The following ELAPOR1 variants were observed in gnomAD, a reference collection of about 807,000 sequenced individuals.
ELAPOR1 encodes the protein endosome/lysosome-associated apoptosis and autophagy regulator 1.
ELAPOR1 carries 77 observed loss-of-function variants against 119.7 expected under a neutral mutation model. The observed-to-expected ratio is 0.64, with a 90% CI of 0.54 to 0.78. The LOEUF is 0.78. ELAPOR1 is among the 30% of genes least tolerant of loss of function. ELAPOR1 has a pLI of 0.00. For synonymous variants in ELAPOR1, 481 were observed against 487.2 expected (o/e 0.99, Z 0.17); for missense variants, 1,115 against 1,270.4 (o/e 0.88, Z 1.86).
intron 1 of ELAPOR1, among the ~76,000 whole-genome samples, chr1:109,132,022 T>C (rs1558020781): frequency 2.0e-5 from 3 of 152,222 alleles, no homozygotes; most frequent in Non-Finnish European, 4.4e-5. Context: ...GAATGACTTG[T>C]GTTTTTTGAG....
intron 3 of ELAPOR1, among the ~76,000 whole-genome samples, chr1:109,165,294 A>G (rs1651517822): frequency 6.6e-6 from 1 of 152,226 alleles, no homozygotes; most frequent in East Asian, 1.9e-4. Context: ...TCTCATTGAA[A>G]AACAAAAACC....
intron 15 of ELAPOR1, among the ~76,000 whole-genome samples, chr1:109,196,746 G>C (rs1312301420): frequency 6.6e-6 from 1 of 150,838 alleles, no homozygotes; most frequent in African/African-American, 2.4e-5. Context: ...GCAGTGGCAC[G>C]ATCTCTGCTC....
intron 1 of ELAPOR1, among the ~76,000 whole-genome samples, chr1:109,120,842 A>G (rs1648361295): frequency 6.6e-6 from 1 of 152,230 alleles, no homozygotes; most frequent in Admixed American, 6.5e-5. Context: ...ATGAATTCTC[A>G]TTCAGATCAC....
At position 109,126,760 on chromosome 1, in the gene ELAPOR1, C is replaced by T. The variant is rs140552044; in HGVS notation, c.153+12424C>T. Among the ~76,000 whole-genome samples, 942 of 152,294 alleles carry T rather than the reference C, an allele frequency of 6.2e-3. 11 individuals are homozygous for T. The highest frequency in any genetic ancestry group is 0.021 in the African/African-American group (872 of 41,550). The stretch of plus-strand genomic sequence containing the variant: ...TGCTGGGATTACAGGTGTCAGCCTC[C>T]GTGCTTGGCCTGTAGCATGGATCTT... On this transcript the variant is annotated intron_variant, in intron 1 of 21. Transcript: ENST00000369939.
At chr1:109,178,489 C>T (rs901935956) in intron 7 of ELAPOR1, among the ~76,000 whole-genome samples, 14 of 152,174 alleles carry the variant, frequency 9.2e-5, no homozygotes, top group African/African-American at 3.4e-4. Flanking sequence ...CAGGGAGTGA[C>T]AGAAGGTCCA....
Position 109,168,298 on chromosome 1 carries a change from G to A in ELAPOR1, c.468-3568G>A, listed in dbSNP as rs191431925. 4.6e-5 allele frequency among the ~76,000 whole-genome samples: 7 copies of A among 152,302 alleles called. No homozygotes were observed. The East Asian group carries it at 1.3e-3, about 29-fold the overall frequency. On this transcript the variant is annotated intron_variant, in intron 3 of 21. Coordinates refer to ENST00000369939, the MANE Select transcript of ELAPOR1 (RefSeq NM_020775.5). ...TCCAATGGCACTTATCACAGTCATT[G>A]CTATGTGATTGTGTGATTAGTTAAG...
At chr1:109,194,162 T>C (rs559485212) in intron 14 of ELAPOR1, among the ~76,000 whole-genome samples, 1 of 152,364 alleles carries the variant, frequency 6.6e-6, no homozygotes, top group South Asian at 2.1e-4. Flanking sequence ...TATAAGGCTA[T>C]AGAATTTGTC....
At position 109,136,568 on chromosome 1, in the gene ELAPOR1, G is replaced by A. The variant is rs142012049; in HGVS notation, c.153+22232G>A. Among the ~76,000 whole-genome samples, 348 of 152,312 alleles carry A rather than the reference G, an allele frequency of 2.3e-3. 3 individuals are homozygous for A. Among genetic ancestry groups the A allele is most frequent in the African/African-American group, 8.0e-3 (333 of 41,568 alleles). ...GCCCTGAAAGACGAATGCAGGCACC[G>A]TGAGGTAGAACATCCCTCGCGAACA... On this transcript the variant is annotated intron_variant, in intron 1 of 21. Coordinates refer to ENST00000369939, the MANE Select transcript of ELAPOR1 (RefSeq NM_020775.5).
At chr1:109,127,942 C>T (rs929814764) in intron 1 of ELAPOR1, among the ~76,000 whole-genome samples, 6 of 151,544 alleles carry the variant, frequency 4.0e-5, no homozygotes, top group African/African-American at 1.5e-4. Context: ...AGCTTGATCT[C>T]AGCTCACTGC....
chr1:109,144,033 TTATATATATA>T (rs1265476565), intron 1 of ELAPOR1, among the ~76,000 whole-genome samples: 1 of 91,830 alleles, frequency 1.1e-5, no homozygotes, highest in African/African-American at 4.7e-5. Flanking sequence ...TTTTCTAAAA[TTATATATATA>T]TATATATATA....
rs1490273064 is a variant in ELAPOR1 at position 109,194,401 on chromosome 1, C to A, written c.1948-20C>A. ...GGCCCTTCCTGACCAGCTGGCCCGACCCGTCCCTCTCCCCCTCAGATCCAC... is the reference window on the plus strand; with the variant it reads ...GGCCCTTCCTGACCAGCTGGCCCGAACCGTCCCTCTCCCCCTCAGATCCAC... On this transcript the variant is annotated intron_variant, in intron 14 of 21. Transcript: ENST00000369939. 1.9e-6 allele frequency: 3 copies of A among 1,610,544 alleles called. No individual in the cohort carries two copies. The highest frequency in any genetic ancestry group is 1.3e-5 in the African/African-American group (1 of 75,048).
Position 109,173,801 on chromosome 1 carries a change from A to C in ELAPOR1, c.916A>C (p.Thr306Pro). Reference sequence around the variant, plus strand: ...CAACTCTTATTCAAATAAAGGAGAAACTTCTTGCCACCAGTGTGACCCTGA... The same window carrying C: ...CAACTCTTATTCAAATAAAGGAGAACCTTCTTGCCACCAGTGTGACCCTGA... ...PANSYSNKGE[T>P]SCHQCDPDKY... The change falls in exon 7 of 22, where the codon ACT becomes CCT. Residue 306 changes from threonine (T) to proline (P), a missense_variant. By Grantham distance (38) the Thr-to-Pro change is conservative. Transcript: ENST00000369939. 25 of 1,614,090 alleles carry C rather than the reference A, an allele frequency of 1.5e-5. No homozygotes were observed. The highest frequency in any genetic ancestry group is 2.1e-5 in the Non-Finnish European group (25 of 1,180,012).
chr1:109,119,486 CT>C (rs11331074), intron 1 of ELAPOR1, among the ~76,000 whole-genome samples: 26,121 of 135,292 alleles, frequency 0.19, 2,994 homozygotes, highest in East Asian at 0.36. Context: ...ACTCAGCCTG[CT>C]TTTTTTTTTT....
chr1:109,172,340 G>A, intron 4 of ELAPOR1, 148 bp from the exon 5 acceptor site: 1 of 643,770 alleles, frequency 1.6e-6, no homozygotes, highest in Admixed American at 2.9e-5. Context: ...CTACTTTGAG[G>A]CTCATGTGTT....
chr1:109,185,951 T>A (rs1370565584), intron 8 of ELAPOR1, among the ~76,000 whole-genome samples: 2 of 152,112 alleles, frequency 1.3e-5, no homozygotes, highest in East Asian at 1.9e-4. Context: ...ATGCATCACT[T>A]AACAAAACTG....
rs746688628 is a variant in ELAPOR1, at chr1:109,171,882, C to T, written c.484C>T (p.Arg162Trp). The change falls in exon 4 of 22, where the codon CGG becomes TGG. Residue 162 changes from arginine to tryptophan, a missense_variant. Arg to Trp is a moderately radical substitution (Grantham distance 101). Transcript: ENST00000369939. Reference protein sequence around the residue: ...GNCTSSKWVPRGDYIASNTDE... With the variant: ...GNCTSSKWVPWGDYIASNTDE... Reference sequence around the variant, plus strand: ...CCTTCACAGGTCCAAGTGGGTTCCCCGGGGCGACTACATCGCCTCCAACAC... The same window carrying T: ...CCTTCACAGGTCCAAGTGGGTTCCCTGGGGCGACTACATCGCCTCCAACAC... 1.7e-5 allele frequency: 28 copies of T among 1,614,064 alleles called. No individual in the cohort carries two copies. The highest frequency in any genetic ancestry group is 3.3e-5 in the South Asian group (3 of 91,082).
chr1:109,144,184 C>T (rs1286613989), intron 1 of ELAPOR1, among the ~76,000 whole-genome samples: 4 of 149,752 alleles, frequency 2.7e-5, no homozygotes, highest in Admixed American at 6.7e-5. Flanking sequence ...CTCAGCCTCT[C>T]GAGTAGCTGG....
chr1:109,175,891 T>C (rs1239031935), intron 7 of ELAPOR1, among the ~76,000 whole-genome samples: 1 of 150,828 alleles, frequency 6.6e-6, no homozygotes, highest in Non-Finnish European at 1.5e-5. Context: ...ATTTAAAATG[T>C]ATAAATTTAT....
intron 13 of ELAPOR1, 82 bp from the exon 14 acceptor site, chr1:109,192,529 G>C: frequency 2.1e-6 from 3 of 1,407,190 alleles, no homozygotes; most frequent in South Asian, 1.3e-5. Flanking sequence ...AGAAGATTAA[G>C]TACCTTGCTC....
Sources: allele counts gnomAD v4.1 joint callset (sites outside exome capture counted in the v4.1 genomes callset), GRCh38; gene constraint gnomAD v4.1.1; transcripts MANE v1.5; gene names NCBI Gene and HGNC (gene_info 2026-07-23, HGNC 2026-07-21).